The following COL26A1 variants were observed in gnomAD, a reference collection of about 807,000 sequenced individuals.
The protein encoded by COL26A1 is collagen type XXVI alpha 1 chain, also known as collagen alpha-1(XXVI) chain.
Under a neutral mutation model 59.3 loss-of-function variants are expected in COL26A1, and 41 were observed. The ratio of observed to expected loss-of-function variants is 0.69; its 90% CI spans 0.54 to 0.90. The LOEUF (loss-of-function observed/expected upper bound fraction) is 0.90. COL26A1 is among the 40% of genes least tolerant of loss of function. COL26A1 has a pLI of 0.00. For synonymous variants in COL26A1, 266 were observed against 256.0 expected (o/e 1.04, Z -0.37); for missense variants, 612 against 602.3 (o/e 1.02, Z -0.17).
At chr7:101,491,572 T>C (rs1794460729) in intron 3 of COL26A1, among the ~76,000 whole-genome samples, 1 of 152,058 alleles carries the variant, frequency 6.6e-6, no homozygotes, top group Non-Finnish European at 1.5e-5. Flanking sequence ...ATTTTTATGG[T>C]TATTTCTTGA....
chr7:101,541,271 C>T (rs1233372177), intron 5 of COL26A1, among the ~76,000 whole-genome samples: 1 of 152,222 alleles, frequency 6.6e-6, no homozygotes, highest in East Asian at 1.9e-4. Context: ...GGGGTTTGCT[C>T]TCTGAACTCT....
rs1209727689 is a variant in COL26A1, at chr7:101,553,350, G to A, written c.1054G>A (p.Glu352Lys). 6.2e-7 allele frequency: 1 copy of A among 1,613,718 alleles called. No individual in the cohort carries two copies. The highest frequency in any genetic ancestry group is 1.3e-5 in the African/African-American group (1 of 74,950). ...PSGEPGVKGE[E>K]GEKAATAEGE... ...GGGTGAACCTGGCGTGAAGGGGGAA[G>A]AAGGAGAGAAAGCCGCCACTGCAGA... Residue 352 changes from glutamate (E) to lysine (K), a missense_variant, in exon 11 of 13, where the codon GAA (glutamate) becomes AAA (lysine). Coordinates refer to ENST00000313669, the MANE Select transcript of COL26A1 (RefSeq NM_001278563.3).
chr7:101,387,660 A>C (rs1311007575), intron 1 of COL26A1, among the ~76,000 whole-genome samples: 1 of 133,690 alleles, frequency 7.5e-6, no homozygotes, highest in South Asian at 2.3e-4. Context: ...TATATATATA[A>C]ATACATACAT....
chr7:101,410,007 G>A (rs1014236542), intron 1 of COL26A1, among the ~76,000 whole-genome samples: 6 of 152,028 alleles, frequency 3.9e-5, no homozygotes, highest in East Asian at 1.9e-4. Context: ...TGATCCACCC[G>A]CCTCAGCCTC....
chr7:101,369,354 C>G (rs1046154809), intron 1 of COL26A1, among the ~76,000 whole-genome samples: 1 of 151,340 alleles, frequency 6.6e-6, no homozygotes, highest in African/African-American at 2.4e-5. Context: ...TTGCAGTGAG[C>G]TGAGATCACG....
intron 1 of COL26A1, 45 bp downstream of exon 1, chr7:101,363,235 C>G: frequency 1.6e-6 from 2 of 1,221,900 alleles, no homozygotes; most frequent in Non-Finnish European, 2.1e-6. Context: ...GGGGAGGGAG[C>G]GGACAGCGGG....
intron 1 of COL26A1, among the ~76,000 whole-genome samples, chr7:101,401,369 C>T (rs529797756): frequency 3.0e-4 from 45 of 151,978 alleles, no homozygotes; most frequent in Admixed American, 3.3e-4. Flanking sequence ...TCTAAAGCCT[C>T]TCCCAGCTCT....
At chr7:101,476,152 G>A (rs954973575) in intron 3 of COL26A1, among the ~76,000 whole-genome samples, 1 of 57,706 alleles carries the variant, frequency 1.7e-5, no homozygotes, top group South Asian at 4.3e-4. Flanking sequence ...TTGTGTGTGT[G>A]TGTGTGTGTG....
chr7:101,478,400 A>T (rs1794094623), intron 3 of COL26A1, among the ~76,000 whole-genome samples: 1 of 152,142 alleles, frequency 6.6e-6, no homozygotes. Context: ...GAGGAAAATA[A>T]AGTGTCCTTT....
In COL26A1 at chr7:101,424,484, G is replaced by A. The variant is rs1422306166; in HGVS notation, c.281+4385G>A. Among the ~76,000 whole-genome samples the A allele has an allele frequency of 2.0e-5, 3 of 151,902 alleles. No individual in the cohort carries two copies. The East Asian group carries it at 5.9e-4, about 30-fold the overall frequency. On this transcript the variant is annotated intron_variant, in intron 2 of 12. Transcript: ENST00000313669. ...GTGATGATGCACACCTGTAATCCCA[G>A]CTACTCAGGAGGCTGAGGCAGGAGA...
intron 1 of COL26A1, among the ~76,000 whole-genome samples, chr7:101,399,703 C>T (rs2130187039): frequency 6.6e-6 from 1 of 152,308 alleles, no homozygotes; most frequent in Non-Finnish European, 1.5e-5. Context: ...AGCTGATCCT[C>T]CTGCCTCAAC....
chr7:101,499,627 T>C (rs1490912847), intron 3 of COL26A1, among the ~76,000 whole-genome samples: 1 of 151,940 alleles, frequency 6.6e-6, no homozygotes, highest in African/African-American at 2.4e-5. Context: ...GAGGTTACAG[T>C]GAGCTGAGAT....
At chr7:101,428,539 A>C (rs971700346) in intron 2 of COL26A1, among the ~76,000 whole-genome samples, 7 of 152,148 alleles carry the variant, frequency 4.6e-5, no homozygotes, top group Non-Finnish European at 1.0e-4. Flanking sequence ...ACAAGTATCA[A>C]AAACAAGGGT....
chr7:101,437,185 GA>G (rs1376780216), intron 2 of COL26A1, among the ~76,000 whole-genome samples: 1 of 152,202 alleles, frequency 6.6e-6, no homozygotes, highest in Non-Finnish European at 1.5e-5. Flanking sequence ...TAAGTGCTTA[GA>G]AGAGAAGTCT....
At chr7:101,515,501 C>G (rs989143027) in intron 3 of COL26A1, among the ~76,000 whole-genome samples, 8 of 151,820 alleles carry the variant, frequency 5.3e-5, no homozygotes, top group Admixed American at 1.3e-4. Flanking sequence ...CCAGGCTGGT[C>G]TGGAACTGCT....
In COL26A1 at chr7:101,549,432, A is replaced by C. The variant is rs928690540; in HGVS notation, c.993+209A>C. ...AGTCTCTCTCTGTCACCCAGGCTGG[A>C]GTGCAGTGGCGCCATCTCAGCTCAT... On this transcript the variant is annotated intron_variant, in intron 9 of 12. Transcript: ENST00000313669. Among the ~76,000 whole-genome samples, 21 of 152,148 alleles carry C rather than the reference A, an allele frequency of 1.4e-4. No individual in the cohort carries two copies. In the South Asian group the frequency reaches 4.2e-3, roughly 30 times the overall value.
At chr7:101,429,589 C>CTTT (rs58432413) in intron 2 of COL26A1, among the ~76,000 whole-genome samples, 6 of 78,686 alleles carry the variant, frequency 7.6e-5, no homozygotes, top group East Asian at 3.0e-4. Context: ...TTCTTTTTTA[C>CTTT]TTTTTTTTTT....
intron 10 of COL26A1, 94 bp downstream of exon 10, chr7:101,551,237 G>GGGGGGGGGGGGGGGGGGGGGCC: frequency 2.6e-6 from 1 of 386,362 alleles, no homozygotes; most frequent in Non-Finnish European, 5.0e-6. Flanking sequence ...TGGTGGGGGG[G>GGGGGGGGGGGGGGGGGGGGGCC]TTCAGCCCTG....
intron 1 of COL26A1, among the ~76,000 whole-genome samples, chr7:101,417,405 C>T (rs1346321857): frequency 1.3e-5 from 2 of 150,738 alleles, no homozygotes; most frequent in African/African-American, 4.9e-5. Flanking sequence ...TTCCATCCCC[C>T]AAGACTGAAA....
Sources: allele counts gnomAD v4.1 joint callset (sites outside exome capture counted in the v4.1 genomes callset), GRCh38; gene constraint gnomAD v4.1.1; transcripts MANE v1.5; gene names NCBI Gene and HGNC (gene_info 2026-07-23, HGNC 2026-07-21).